The following LTBP1 variants were observed in gnomAD, a reference collection of about 807,000 sequenced individuals.
LTBP1 encodes latent transforming growth factor beta binding protein 1.
In LTBP1, 129 loss-of-function variants were observed where a neutral mutation model predicts 207.6. That is an observed-to-expected ratio of 0.62 (90% CI 0.54 to 0.72). The LOEUF is 0.72. LTBP1 is among the 30% of genes least tolerant of loss of function. The pLI, the probability that LTBP1 is intolerant of heterozygous loss-of-function variation, is 0.00. For synonymous variants in LTBP1, 963 were observed against 833.7 expected, an observed-to-expected ratio of 1.16 and a Z score of -2.67; for missense variants, 2,281 against 2,217.2, an observed-to-expected ratio of 1.03 and a Z score of -0.58.
At chr2:33,359,453 C>T (rs896725224) in intron 26 of LTBP1, among the ~76,000 whole-genome samples, 4 of 152,062 alleles carry the variant, frequency 2.6e-5, no homozygotes, top group African/African-American at 9.7e-5. Context: ...AATTTCCTTG[C>T]TAATATAATT....
chr2:33,068,648 G>T (rs911338046), intron 3 of LTBP1, among the ~76,000 whole-genome samples: 7 of 151,952 alleles, frequency 4.6e-5, no homozygotes, highest in African/African-American at 1.5e-4. Context: ...TTATTATTTT[G>T]ATAATATTTG....
chr2:33,303,502 A>C (rs2094028468), intron 22 of LTBP1, among the ~76,000 whole-genome samples: 1 of 151,938 alleles, frequency 6.6e-6, no homozygotes, highest in East Asian at 1.9e-4. Context: ...AGCACCTGCC[A>C]CCATGCCCGG....
intron 32 of LTBP1, among the ~76,000 whole-genome samples, chr2:33,391,791 C>G (rs551783412): frequency 3.1e-4 from 24 of 77,830 alleles, no homozygotes; most frequent in Non-Finnish European, 4.9e-4. Context: ...GCTGGCATTG[C>G]TTTAAAGCTC....
chr2:33,316,672 C>CT (rs1201460908), intron 24 of LTBP1, among the ~76,000 whole-genome samples: 1 of 152,124 alleles, frequency 6.6e-6, no homozygotes, highest in Non-Finnish European at 1.5e-5. Flanking sequence ...GAAATCCCTG[C>CT]TTCAGTGGTT....
At chr2:33,259,391 A>G (rs975690998) in intron 12 of LTBP1, among the ~76,000 whole-genome samples, 197 bp from the exon 13 acceptor site, 6 of 152,242 alleles carry the variant, frequency 3.9e-5, no homozygotes, top group African/African-American at 1.4e-4. Context: ...GTTGAGGAGT[A>G]ACAGCACTGA....
rs928987785 is a variant in LTBP1, at chr2:32,956,336, C to T, written c.565+7391C>T. On this transcript the variant is annotated intron_variant, in intron 2 of 33. Coordinates refer to ENST00000404816, the MANE Select transcript of LTBP1 (RefSeq NM_206943.4). Reference sequence around the variant, plus strand: ...CAAAACTGGAGTCGGTCTTCTCAAACGCTACTGCTGCCTTATCATCTATGT... The same window carrying T: ...CAAAACTGGAGTCGGTCTTCTCAAATGCTACTGCTGCCTTATCATCTATGT... Among the ~76,000 whole-genome samples the T allele has an allele frequency of 5.3e-5, 8 of 152,162 alleles. 1 individual carries two copies. The highest frequency in any genetic ancestry group is 2.1e-4 in the South Asian group (1 of 4,822).
intron 2 of LTBP1, among the ~76,000 whole-genome samples, chr2:32,954,555 C>CT (rs926839487): frequency 6.6e-6 from 1 of 151,196 alleles, no homozygotes; most frequent in Non-Finnish European, 1.5e-5. Flanking sequence ...CCCGCCCCCC[C>CT]CCACCAATGA....
At chr2:33,184,517 C>G (rs1012428961) in intron 5 of LTBP1, among the ~76,000 whole-genome samples, 7 of 152,214 alleles carry the variant, frequency 4.6e-5, no homozygotes, top group African/African-American at 1.7e-4. Flanking sequence ...GTTTCAAAAA[C>G]TTATCCTAAA....
chr2:33,122,878 A>G (rs1558665596), intron 4 of LTBP1, among the ~76,000 whole-genome samples: 1 of 152,182 alleles, frequency 6.6e-6, no homozygotes, highest in Non-Finnish European at 1.5e-5. Context: ...CCGCAGTTGA[A>G]CATCCTGTTG....
At chr2:33,282,062 C>CAT (rs66505403) in intron 19 of LTBP1, among the ~76,000 whole-genome samples, 15,503 of 142,632 alleles carry the variant, frequency 0.11, 889 homozygotes, top group Non-Finnish European at 0.14. Context: ...CCTATATGTG[C>CAT]ATATATATAT....
At chr2:33,126,504 G>A (rs1341272724) in intron 4 of LTBP1, among the ~76,000 whole-genome samples, 2 of 152,174 alleles carry the variant, frequency 1.3e-5, no homozygotes, top group African/African-American at 2.4e-5. Context: ...AACAGAAGGG[G>A]CACTCTTTTG....
At chr2:32,993,835 A>T (rs868071593) in intron 2 of LTBP1, among the ~76,000 whole-genome samples, 2 of 152,308 alleles carry the variant, frequency 1.3e-5, no homozygotes, top group African/African-American at 2.4e-5. Context: ...CACATGGCAC[A>T]TGGCTCATTT....
intron 30 of LTBP1, among the ~76,000 whole-genome samples, chr2:33,364,931 C>G (rs566659671): frequency 2.0e-5 from 3 of 152,152 alleles, no homozygotes; most frequent in Non-Finnish European, 2.9e-5. Flanking sequence ...AGGGCTTTGG[C>G]AGATTAAATG....
chr2:33,352,077 A>G (rs1196762177), intron 26 of LTBP1, among the ~76,000 whole-genome samples: 1 of 152,132 alleles, frequency 6.6e-6, no homozygotes, highest in Non-Finnish European at 1.5e-5. Flanking sequence ...TCTGGCTGAC[A>G]GTTATTCAAA....
intron 5 of LTBP1, among the ~76,000 whole-genome samples, chr2:33,140,566 C>A (rs2082561839): frequency 6.6e-6 from 1 of 152,118 alleles, no homozygotes; most frequent in Admixed American, 6.5e-5. Context: ...GAAACCACTT[C>A]CACATACATT....
intron 6 of LTBP1, among the ~76,000 whole-genome samples, 159 bp from the exon 7 acceptor site, chr2:33,188,418 A>G (rs530642205): frequency 1.0e-3 from 100 of 99,322 alleles, no homozygotes; most frequent in African/African-American, 3.8e-3. Context: ...CCAGAGCGAA[A>G]CTCCATCTCA....
At position 33,324,027 on chromosome 2, in the gene LTBP1, G is replaced by C. The variant is rs139800471; in HGVS notation, c.3730+8758G>C. ...ATAATAATAGCACCTACATGGAGTT[G>C]ATGTGTGTTGGCAAGTATCCGCCGA... On this transcript the variant is annotated intron_variant, in intron 24 of 33. Transcript: ENST00000404816. Among the ~76,000 whole-genome samples the C allele has an allele frequency of 3.4e-3, 523 of 152,212 alleles. 3 individuals carry two copies. The highest frequency in any genetic ancestry group is 0.012 in the African/African-American group (500 of 41,528).
At chr2:33,006,715 T>C (rs1390665715) in intron 2 of LTBP1, among the ~76,000 whole-genome samples, 1 of 108,640 alleles carries the variant, frequency 9.2e-6, no homozygotes, top group Non-Finnish European at 2.1e-5. Context: ...TTAAATTTTA[T>C]ATGTTACTGC....
intron 8 of LTBP1, among the ~76,000 whole-genome samples, chr2:33,219,131 C>T (rs1186786161): frequency 1.3e-5 from 2 of 152,118 alleles, no homozygotes; most frequent in East Asian, 3.9e-4. Flanking sequence ...TTTGTTGATA[C>T]TACTCATCTC....
Sources: gnomAD v4.1 joint callset for allele counts (sites outside exome capture counted in the v4.1 genomes callset) on GRCh38, gnomAD v4.1.1 for gene constraint, MANE v1.5 for transcripts, NCBI Gene and HGNC (gene_info 2026-07-23, HGNC 2026-07-21) for gene names.